Variants in RUVBL1 observed in about 807,000 individuals in gnomAD.
The protein encoded by RUVBL1 is RuvB like AAA ATPase 1, also known as ruvB-like 1.
RUVBL1 carries 4 observed loss-of-function variants against 52.4 expected under a neutral mutation model. That is an observed-to-expected ratio of 0.08 (90% CI 0.04 to 0.17). The LOEUF is 0.17. RUVBL1 is among the 10% of genes least tolerant of loss of function. The pLI is 1.00. For missense variants in RUVBL1, 298 were observed against 572.8 expected (o/e 0.52, Z 4.90); for synonymous variants, 217 against 214.4 (o/e 1.01, Z -0.10).
At chr3:128,119,147 A>G (rs551706716) in intron 2 of RUVBL1, among the ~76,000 whole-genome samples, 181 bp downstream of exon 2, 20 of 152,346 alleles carry the variant, frequency 1.3e-4, no homozygotes, top group African/African-American at 4.8e-4. Flanking sequence ...GTAGGCCAGG[A>G]TAATTTGAAT....
chr3:128,125,307 G>T (rs899612686), upstream of RUVBL1, among the ~76,000 whole-genome samples: 1 of 151,944 alleles, frequency 6.6e-6, no homozygotes, highest in Non-Finnish European at 1.5e-5. Context: ...GAGCCACCGC[G>T]CCCGGCCTCT....
At chr3:128,103,199 T>C (rs1192955419) in intron 4 of RUVBL1, among the ~76,000 whole-genome samples, 2 of 152,224 alleles carry the variant, frequency 1.3e-5, no homozygotes, top group South Asian at 2.1e-4. Flanking sequence ...GTGTTACAAA[T>C]AGCTGAAATT....
At chr3:128,087,642 C>T in intron 9 of RUVBL1, 64 bp downstream of exon 9, 3 of 1,322,936 alleles carry the variant, frequency 2.3e-6, no homozygotes, top group Non-Finnish European at 3.2e-6. Flanking sequence ...CCTTTCTGCA[C>T]AGCCACCAGT....
intron 9 of RUVBL1, among the ~76,000 whole-genome samples, chr3:128,065,649 T>C (rs1941949899): frequency 6.6e-6 from 1 of 152,176 alleles, no homozygotes; most frequent in Non-Finnish European, 1.5e-5. Context: ...CCATTCCTTC[T>C]GCTGAGACTA....
At chr3:128,111,239 C>CTTCT (rs1431587165) in intron 3 of RUVBL1, among the ~76,000 whole-genome samples, 1 of 146,392 alleles carries the variant, frequency 6.8e-6, no homozygotes, top group Non-Finnish European at 1.5e-5. Context: ...AAAAAAAAGG[C>CTTCT]TTCTGTTTTC....
intron 1 of RUVBL1, among the ~76,000 whole-genome samples, chr3:128,142,785 CTTTT>C (rs1417118278): frequency 6.6e-6 from 1 of 151,128 alleles, no homozygotes; most frequent in Non-Finnish European, 1.5e-5. Flanking sequence ...TGCCTCTCTC[CTTTT>C]TTTGTTTTTG....
intron 1 of RUVBL1, among the ~76,000 whole-genome samples, chr3:128,133,197 C>T (rs759693295): frequency 8.5e-5 from 13 of 152,240 alleles, no homozygotes; most frequent in Admixed American, 3.3e-4. Flanking sequence ...CTTTGTATTG[C>T]GGTTTGGGCA....
intron 1 of RUVBL1, among the ~76,000 whole-genome samples, chr3:128,151,089 CTATATATTCTATATATATTCTG>C (rs1559841926): frequency 9.2e-6 from 1 of 108,206 alleles, no homozygotes; most frequent in Non-Finnish European, 1.7e-5. Flanking sequence ...CTCTATATAT[CTATATATTCTATATATATTCTG>C]TATATATTCT....
chr3:128,096,359 C>T (rs1042687444), intron 8 of RUVBL1, among the ~76,000 whole-genome samples: 2 of 152,312 alleles, frequency 1.3e-5, no homozygotes, highest in East Asian at 1.9e-4. Flanking sequence ...AAAAAGCAAC[C>T]GCAGGAAAGT....
At position 128,153,744 on chromosome 3, in the gene RUVBL1, C is replaced by T. The variant is rs753531612; in HGVS notation, c.-581G>A. Reference sequence around the variant, plus strand: ...TCCAGGCAGCGCCCGAGGCCGAGCCCGAGCCCGGCGAGCCACTGCTTCAGG... The same window carrying T: ...TCCAGGCAGCGCCCGAGGCCGAGCCTGAGCCCGGCGAGCCACTGCTTCAGG... On this transcript the variant is annotated 5_prime_UTR_variant, in exon 1 of 10. Transcript: ENST00000464873. 3.9e-6 allele frequency: 6 copies of T among 1,534,270 alleles called. No individual in the cohort carries two copies. The African/African-American group carries it at 4.2e-5, about 11-fold the overall frequency.
chr3:128,153,875 CG>C lies in RUVBL1; in HGVS notation c.-713del, dbSNP rs1233875404. The C allele has an allele frequency of 5.5e-6, 8 of 1,448,040 alleles. No individual in the cohort carries two copies. The East Asian group carries it at 2.2e-4, about 40-fold the overall frequency. The allele number at this position is 1,448,040 out of a possible 1,614,324, so 89.7% of individuals were successfully genotyped here. On this transcript the variant is annotated 5_prime_UTR_variant, in exon 1 of 10. Coordinates refer to the RUVBL1 transcript ENST00000464873. ...GGCTCAGGGACGCGGGCGGAGCGAC[CG>C]GGCCCCGTGTCCGAATTCGCTCGAG...
At chr3:128,130,609 A>T (rs1372157132) in intron 1 of RUVBL1, among the ~76,000 whole-genome samples, 5 of 141,652 alleles carry the variant, frequency 3.5e-5, no homozygotes, top group African/African-American at 8.0e-5. Flanking sequence ...AAAAAAAAAA[A>T]AAAAATTTTA....
At chr3:128,101,997 G>A (rs937599420) in intron 4 of RUVBL1, among the ~76,000 whole-genome samples, 8 of 152,230 alleles carry the variant, frequency 5.3e-5, no homozygotes, top group Non-Finnish European at 8.8e-5. Flanking sequence ...CCTGGCTGCC[G>A]TGAGACGGGT....
intron 3 of RUVBL1, among the ~76,000 whole-genome samples, chr3:128,112,279 G>A (rs1943411748): frequency 6.6e-6 from 1 of 152,192 alleles, no homozygotes; most frequent in African/African-American, 2.4e-5. Flanking sequence ...CTTACTAACT[G>A]GGTCCCTAGC....
chr3:128,093,715 G>A (rs969990487), intron 8 of RUVBL1, among the ~76,000 whole-genome samples: 1 of 152,204 alleles, frequency 6.6e-6, no homozygotes. Flanking sequence ...TCAGGATCCT[G>A]AGCCTGGAAG....
chr3:128,135,225 A>G (rs1307940053), intron 1 of RUVBL1, among the ~76,000 whole-genome samples: 2 of 152,128 alleles, frequency 1.3e-5, no homozygotes, highest in African/African-American at 4.8e-5. Flanking sequence ...AAAGAGTGGC[A>G]TGACATATTG....
chr3:128,076,576 T>C (rs911728441), downstream of RUVBL1, among the ~76,000 whole-genome samples: 20 of 152,174 alleles, frequency 1.3e-4, no homozygotes, highest in Middle Eastern at 0.014. This position sits in a 1 kb window ranked among gnomAD's most constrained non-coding sequence, Gnocchi z 6.8. Flanking sequence ...ACCTGGTGGC[T>C]GAGGCCTAGG....
chr3:128,145,217 T>C (rs1218325638), intron 1 of RUVBL1, among the ~76,000 whole-genome samples: 2 of 152,232 alleles, frequency 1.3e-5, no homozygotes. Context: ...CCAATTCATA[T>C]AATCATCATT....
chr3:128,125,988 G>A (rs891618799), upstream of RUVBL1, among the ~76,000 whole-genome samples: 1 of 152,194 alleles, frequency 6.6e-6, no homozygotes, highest in African/African-American at 2.4e-5. Context: ...TTTTGGCACA[G>A]AAAGAAGGAT....
Sources: allele counts gnomAD v4.1 joint callset (sites outside exome capture counted in the v4.1 genomes callset), GRCh38; gene constraint gnomAD v4.1.1; non-coding constraint Gnocchi (gnomAD v3.1); transcripts MANE v1.5; gene names NCBI Gene and HGNC (gene_info 2026-07-23, HGNC 2026-07-21).